Variants in ASTN1 observed in about 807,000 individuals in gnomAD.
The protein encoded by ASTN1 is astrotactin-1.
A neutral mutation model predicts 140.7 loss-of-function variants in ASTN1; 41 were observed. That is an observed-to-expected ratio of 0.29 (90% CI 0.23 to 0.38). ASTN1 has a LOEUF of 0.38. Among genes scored for constraint, ASTN1 ranks in the 10% least tolerant of loss-of-function variants. The pLI, the probability that ASTN1 is intolerant of heterozygous loss-of-function variation, is 1.00. For synonymous variants in ASTN1, 640 were observed against 652.2 expected, an observed-to-expected ratio of 0.98 and a Z score of 0.29; for missense variants, 1,479 against 1,678.8, an observed-to-expected ratio of 0.88 and a Z score of 2.08.
intron 21 of ASTN1, among the ~76,000 whole-genome samples, chr1:176,869,708 G>A (rs1668262246): frequency 6.6e-6 from 1 of 152,190 alleles, no homozygotes; most frequent in Admixed American, 6.5e-5. Context: ...TGATTGGTCT[G>A]AGTGTGTTCC....
intron 16 of ASTN1, among the ~76,000 whole-genome samples, chr1:176,901,485 G>A (rs1669763816): frequency 6.6e-6 from 1 of 152,324 alleles, no homozygotes; most frequent in South Asian, 2.1e-4. Flanking sequence ...TGGGGTGAAA[G>A]GTAAACTTCT....
At chr1:177,071,772 G>A (rs961449429) in intron 1 of ASTN1, among the ~76,000 whole-genome samples, 7 of 152,120 alleles carry the variant, frequency 4.6e-5, no homozygotes, top group African/African-American at 1.4e-4. Context: ...ATTTGCAATT[G>A]CCATAATGGG....
intron 1 of ASTN1, among the ~76,000 whole-genome samples, chr1:177,153,934 G>A (rs867470136): frequency 2.0e-5 from 3 of 152,040 alleles, no homozygotes; most frequent in Non-Finnish European, 4.4e-5. Flanking sequence ...GCCAAGTGTC[G>A]GTGGGAGTAT....
chr1:177,082,104 T>C (rs1679208371), intron 1 of ASTN1, among the ~76,000 whole-genome samples: 2 of 152,170 alleles, frequency 1.3e-5, no homozygotes, highest in Non-Finnish European at 2.9e-5. Flanking sequence ...GATAGGAAAA[T>C]TTAAACGGAC....
In ASTN1 at chr1:176,905,758, C is replaced by T. The variant is rs143729631; in HGVS notation, c.2672-10928G>A. Among the ~76,000 whole-genome samples the T allele has an allele frequency of 3.9e-5, 6 of 152,254 alleles. No homozygotes were observed. In the East Asian group the frequency reaches 7.7e-4, roughly 20 times the overall value. On this transcript the variant is annotated intron_variant, in intron 16 of 22. Coordinates refer to ENST00000361833, the MANE Select transcript of ASTN1 (RefSeq NM_004319.3). ...AGTGGATCAGGCTCTTTTCACCTCT[C>T]GGTGACCTGTGCCCTCTGTTTTAAA...
downstream of ASTN1, among the ~76,000 whole-genome samples, chr1:176,858,679 T>A (rs1667879727): frequency 6.6e-6 from 1 of 152,048 alleles, no homozygotes; most frequent in African/African-American, 2.4e-5. Flanking sequence ...GAATAGACAA[T>A]CTGCTCAGCT....
chr1:177,157,464 G>A (rs1268279945), intron 1 of ASTN1, among the ~76,000 whole-genome samples: 1 of 151,912 alleles, frequency 6.6e-6, no homozygotes, highest in Non-Finnish European at 1.5e-5. Context: ...ACAGGCACAC[G>A]CCACCATATC....
intron 11 of ASTN1, among the ~76,000 whole-genome samples, chr1:176,955,218 C>T (rs1672350965): frequency 6.6e-6 from 1 of 152,174 alleles, no homozygotes; most frequent in South Asian, 2.1e-4. Flanking sequence ...CGGGCCAATG[C>T]TCTGCAAACT....
intron 1 of ASTN1, among the ~76,000 whole-genome samples, chr1:177,066,949 T>A (rs1159786935): frequency 6.6e-6 from 1 of 152,132 alleles, no homozygotes; most frequent in Non-Finnish European, 1.5e-5. Context: ...AGCCTCATGT[T>A]GAGGGCACCT....
chr1:177,158,480 G>A (rs1683338173), intron 1 of ASTN1, among the ~76,000 whole-genome samples: 1 of 152,050 alleles, frequency 6.6e-6, no homozygotes, highest in Non-Finnish European at 1.5e-5. Context: ...TCATAACAGA[G>A]CTCTTTTTGC....
Position 176,863,171 on chromosome 1 carries a change from T to C in ASTN1, c.*1113A>G, listed in dbSNP as rs1198660735. ...CCTGTGACTGGATGGGCAGTGACCATGGTGGAATCCTCCTGCTTATGGTCA... is the reference window on the plus strand; with the variant it reads ...CCTGTGACTGGATGGGCAGTGACCACGGTGGAATCCTCCTGCTTATGGTCA... On this transcript the variant is annotated 3_prime_UTR_variant, in exon 23 of 23. Coordinates refer to ENST00000361833, the MANE Select transcript of ASTN1 (RefSeq NM_004319.3). 2.0e-6 allele frequency: 2 copies of C among 985,906 alleles called. No homozygotes were observed. Among genetic ancestry groups the C allele is most frequent in the East Asian group, 1.1e-4 (1 of 8,816 alleles). 61.1% of individuals were successfully genotyped at this position (985,906 alleles called of 1,614,324 possible). A position where few individuals can be genotyped will look rare whatever the true frequency, so the allele number is the denominator to read the frequency against.
intron 1 of ASTN1, among the ~76,000 whole-genome samples, chr1:177,089,913 T>C (rs893802606): frequency 6.6e-6 from 1 of 152,248 alleles, no homozygotes; most frequent in African/African-American, 2.4e-5. Context: ...ATTAATAAAA[T>C]AGGGCATCCT....
intron 1 of ASTN1, among the ~76,000 whole-genome samples, chr1:177,084,298 A>G (rs1571759147): frequency 6.6e-6 from 1 of 152,284 alleles, no homozygotes; most frequent in East Asian, 1.9e-4. Flanking sequence ...TTGCTTTACC[A>G]TGACCCCAGC....
chr1:177,074,362 A>G (rs991131839), intron 1 of ASTN1, among the ~76,000 whole-genome samples: 1 of 152,178 alleles, frequency 6.6e-6, no homozygotes, highest in African/African-American at 2.4e-5. Context: ...CATGCCCAAC[A>G]AATATAGTAA....
intron 1 of ASTN1, among the ~76,000 whole-genome samples, chr1:177,092,366 G>C (rs1291214498): frequency 6.6e-6 from 1 of 152,078 alleles, no homozygotes; most frequent in Non-Finnish European, 1.5e-5. Context: ...TTTTATTGTT[G>C]AGTTGTAGGA....
Position 177,040,934 on chromosome 1 carries a change from C to T in ASTN1, c.472-8085G>A, listed in dbSNP as rs114127055. On this transcript the variant is annotated intron_variant, in intron 2 of 22. Coordinates refer to ENST00000361833, the MANE Select transcript of ASTN1 (RefSeq NM_004319.3). Reference sequence around the variant, plus strand: ...TTCTGTTTATAGAACTGCTTTTTTCCGTTCTTGAGATTTTTTTCTTGCCTC... The same window carrying T: ...TTCTGTTTATAGAACTGCTTTTTTCTGTTCTTGAGATTTTTTTCTTGCCTC... 7.1e-3 allele frequency among the ~76,000 whole-genome samples: 1,084 copies of T among 152,198 alleles called. 10 individuals are homozygous for T. The highest frequency in any genetic ancestry group is 0.024 in the African/African-American group (1,016 of 41,508).
intron 1 of ASTN1, among the ~76,000 whole-genome samples, chr1:177,090,796 C>G (rs1029185847): frequency 2.6e-5 from 4 of 152,142 alleles, no homozygotes; most frequent in Non-Finnish European, 5.9e-5. Context: ...AGAAAACCTT[C>G]AAATATTTGA....
chr1:176,938,405 A>C (rs1376035643), intron 14 of ASTN1, among the ~76,000 whole-genome samples: 1 of 152,236 alleles, frequency 6.6e-6, no homozygotes, highest in African/African-American at 2.4e-5. Flanking sequence ...CTAAATAAAA[A>C]TTTTTCAAAT....
At chr1:177,057,673 T>C (rs1372683116) in intron 2 of ASTN1, among the ~76,000 whole-genome samples, 1 of 152,252 alleles carries the variant, frequency 6.6e-6, no homozygotes, top group Non-Finnish European at 1.5e-5. Flanking sequence ...CCAATTATGC[T>C]ATTTTGATCT....
Sources: allele counts gnomAD v4.1 joint callset (sites outside exome capture counted in the v4.1 genomes callset), GRCh38; gene constraint gnomAD v4.1.1; transcripts MANE v1.5; gene names NCBI Gene and HGNC (gene_info 2026-07-23, HGNC 2026-07-21).